ROBO1: variants seen among roughly 807,000 people sequenced by gnomAD.
ROBO1 encodes roundabout guidance receptor 1, also known as roundabout homolog 1.
In ROBO1, 149 loss-of-function variants were observed where a neutral mutation model predicts 195.9. The ratio of observed to expected loss-of-function variants is 0.76; its 90% CI spans 0.67 to 0.87. ROBO1 has a LOEUF of 0.87. ROBO1 is among the 40% of genes least tolerant of loss of function. The probability of loss-of-function intolerance (pLI) is 0.00; values close to 1 mark genes in which losing one functional copy is unlikely to be tolerated. For missense variants in ROBO1, 1,933 were observed against 2,068.3 expected (o/e 0.93, Z 1.27); for synonymous variants, 816 against 733.2 (o/e 1.11, Z -1.82).
chr3:79,502,791 C>T (rs550046652), intron 2 of ROBO1, among the ~76,000 whole-genome samples: 9 of 151,870 alleles, frequency 5.9e-5, no homozygotes, highest in East Asian at 2.0e-4. Flanking sequence ...CCAATCAGTA[C>T]TCTGTGTCTA....
Position 78,695,102 on chromosome 3 carries a change from G to T in ROBO1, c.1046-6330C>A, listed in dbSNP as rs1046264433. ...TCTTTTATTAATTAAAATCCAATGG[G>T]TTTAAGAACTTTAGGCTGGGGTGGG... On this transcript the variant is annotated intron_variant, in intron 8 of 30. Coordinates refer to ENST00000464233, the MANE Select transcript of ROBO1 (RefSeq NM_002941.4). Among the ~76,000 whole-genome samples the T allele has an allele frequency of 6.0e-5, 8 of 133,974 alleles. No individual in the cohort carries two copies. The East Asian group carries it at 1.9e-3, about 31-fold the overall frequency. 87.9% of individuals were successfully genotyped at this position (133,974 alleles called of 152,430 possible).
intron 3 of ROBO1, among the ~76,000 whole-genome samples, chr3:79,033,187 C>T (rs1251160951): frequency 1.3e-5 from 2 of 152,136 alleles, no homozygotes; most frequent in East Asian, 1.9e-4. Context: ...TTGCAAGTCT[C>T]ATAATTGTCC....
intron 1 of ROBO1, among the ~76,000 whole-genome samples, chr3:79,652,844 T>C (rs1179544414): frequency 6.6e-6 from 1 of 152,044 alleles, no homozygotes; most frequent in African/African-American, 2.4e-5. Context: ...TTTTCTAAAT[T>C]AGAAATTCTA....
At chr3:79,671,413 C>T (rs1481525091) in intron 1 of ROBO1, among the ~76,000 whole-genome samples, 1 of 151,780 alleles carries the variant, frequency 6.6e-6, no homozygotes, top group African/African-American at 2.4e-5. Context: ...CAGGGAGTCT[C>T]TTTTTCTAAA....
At chr3:79,502,446 G>A (rs1940135769) in intron 2 of ROBO1, among the ~76,000 whole-genome samples, 1 of 152,076 alleles carries the variant, frequency 6.6e-6, no homozygotes, top group Non-Finnish European at 1.5e-5. Context: ...CTGCCTCCCC[G>A]CGGGGCAGGG....
intron 3 of ROBO1, among the ~76,000 whole-genome samples, chr3:78,966,019 C>G (rs753814203): frequency 2.6e-5 from 4 of 152,188 alleles, no homozygotes; most frequent in Admixed American, 6.5e-5. Context: ...GCTGCAGCAG[C>G]CGGCATTAGC....
At chr3:79,623,016 A>G (rs7430828) in intron 1 of ROBO1, among the ~76,000 whole-genome samples, 132,228 of 152,120 alleles carry the variant, frequency 0.87, 57,532 homozygotes, top group East Asian at 0.9. Context: ...CTCCAGGTGC[A>G]AGAGCGAATC....
intron 2 of ROBO1, among the ~76,000 whole-genome samples, chr3:79,178,141 T>C (rs956747414): frequency 3.3e-5 from 5 of 152,210 alleles, no homozygotes; most frequent in African/African-American, 9.6e-5. Context: ...AAGAAAAACA[T>C]TGGCTGGTAA....
chr3:79,438,730 T>C (rs911482480), intron 2 of ROBO1, among the ~76,000 whole-genome samples: 3 of 152,086 alleles, frequency 2.0e-5, no homozygotes, highest in African/African-American at 7.2e-5. Flanking sequence ...GTGAAAAGAA[T>C]CCTTCATTTC....
At chr3:78,651,641 G>A in intron 19 of ROBO1, 91 bp downstream of exon 19, 1 of 1,041,490 alleles carries the variant, frequency 9.6e-7, no homozygotes, top group Non-Finnish European at 1.3e-6. Flanking sequence ...AGTTTTAGAG[G>A]ATATGCATAA....
chr3:79,435,695 T>C (rs1267224343), intron 2 of ROBO1, among the ~76,000 whole-genome samples: 1 of 152,134 alleles, frequency 6.6e-6, no homozygotes, highest in Non-Finnish European at 1.5e-5. Flanking sequence ...TGTTTCAGAA[T>C]AGTTTAAGAC....
intron 4 of ROBO1, among the ~76,000 whole-genome samples, chr3:78,918,831 C>T (rs964928775): frequency 6.6e-6 from 1 of 152,072 alleles, no homozygotes; most frequent in Admixed American, 6.5e-5. Context: ...TAGCCCACAA[C>T]CATAAAGTGA....
At chr3:79,488,306 G>A (rs991377766) in intron 2 of ROBO1, among the ~76,000 whole-genome samples, 8 of 152,040 alleles carry the variant, frequency 5.3e-5, no homozygotes, top group East Asian at 3.9e-4. Context: ...ACAAATGGAG[G>A]GGGAATTTTT....
intron 3 of ROBO1, among the ~76,000 whole-genome samples, chr3:78,970,920 T>G (rs185580217): frequency 6.6e-6 from 1 of 150,842 alleles, no homozygotes; most frequent in East Asian, 1.9e-4. Flanking sequence ...TTATTGTTAG[T>G]ATAGATTGCA....
chr3:79,714,879 A>G (rs1314949816), intron 1 of ROBO1, among the ~76,000 whole-genome samples: 3 of 149,368 alleles, frequency 2.0e-5, no homozygotes, highest in Non-Finnish European at 4.5e-5. Flanking sequence ...GGATAGCATT[A>G]GGAGATATAC....
At chr3:79,418,311 C>T (rs2038089771) in intron 2 of ROBO1, among the ~76,000 whole-genome samples, 1 of 152,080 alleles carries the variant, frequency 6.6e-6, no homozygotes, top group African/African-American at 2.4e-5. Flanking sequence ...TATTATAGCA[C>T]ATTAGAGATG....
chr3:78,614,863 A>T (rs771154262), intron 27 of ROBO1, 63 bp from the exon 28 acceptor site: 106 of 1,427,286 alleles, frequency 7.4e-5, no homozygotes, highest in Non-Finnish European at 9.0e-5. Flanking sequence ...TACAACAGGA[A>T]CAACAAAAAG....
At chr3:79,121,627 T>C (rs2080117917) in intron 3 of ROBO1, among the ~76,000 whole-genome samples, 2 of 152,020 alleles carry the variant, frequency 1.3e-5, no homozygotes, top group African/African-American at 4.8e-5. Context: ...ATCTTTTAGT[T>C]TTAAGATTTT....
chr3:78,724,377 G>C (rs6804223), intron 5 of ROBO1, among the ~76,000 whole-genome samples: 151,975 of 152,130 alleles, frequency 1, 75,910 homozygotes, highest in Non-Finnish European at 1. Flanking sequence ...GTGCCTACTA[G>C]TAACAATCAA....
Sources: gnomAD v4.1 joint callset for allele counts (sites outside exome capture counted in the v4.1 genomes callset) on GRCh38, gnomAD v4.1.1 for gene constraint, MANE v1.5 for transcripts, NCBI Gene and HGNC (gene_info 2026-07-23, HGNC 2026-07-21) for gene names.